Variants in PCNX2 observed in about 807,000 individuals in gnomAD.
PCNX2 encodes the protein pecanex 2.
PCNX2 carries 168 observed loss-of-function variants against 223.8 expected under a neutral mutation model. That is an observed-to-expected ratio of 0.75 (90% confidence interval 0.66 to 0.85). The LOEUF is 0.85. Among genes scored for constraint, PCNX2 ranks in the 40% least tolerant of loss-of-function variants. The pLI, the probability that PCNX2 is intolerant of heterozygous loss-of-function variation, is 0.00. For missense variants in PCNX2, 2,507 were observed against 2,675.5 expected (o/e 0.94, Z 1.39); for synonymous variants, 1,006 against 1,052.6 (o/e 0.96, Z 0.86).
chr1:233,102,122 A>T (rs1674520110), intron 21 of PCNX2, among the ~76,000 whole-genome samples: 2 of 150,186 alleles, frequency 1.3e-5, no homozygotes, highest in Non-Finnish European at 3.0e-5. Flanking sequence ...CATGAGTGAC[A>T]ACATACAACA....
chr1:233,144,507 CAG>C (rs993970305), intron 19 of PCNX2, among the ~76,000 whole-genome samples: 24 of 152,258 alleles, frequency 1.6e-4, no homozygotes, highest in South Asian at 4.1e-4. Flanking sequence ...CAGATGGTAC[CAG>C]AGAGTTCCTT....
At chr1:233,261,364 G>A in intron 3 of PCNX2, 43 bp from the exon 4 acceptor site, 2 of 1,589,820 alleles carry the variant, frequency 1.3e-6, no homozygotes, top group South Asian at 1.1e-5. Flanking sequence ...TGACTCAGCT[G>A]ACCGTCCATT....
At chr1:233,151,933 A>G (rs1571976838) in intron 19 of PCNX2, among the ~76,000 whole-genome samples, 1 of 151,954 alleles carries the variant, frequency 6.6e-6, no homozygotes, top group Non-Finnish European at 1.5e-5. Flanking sequence ...GCTTCTCCAG[A>G]CCTCCCTCTG....
chr1:233,256,172 C>G (rs1332611310), intron 5 of PCNX2, among the ~76,000 whole-genome samples: 2 of 152,072 alleles, frequency 1.3e-5, no homozygotes, highest in Non-Finnish European at 2.9e-5. Flanking sequence ...TTGAATGTGG[C>G]TGGCTGAAAA....
chr1:233,149,464 G>GCCTC (rs143424041), intron 19 of PCNX2, among the ~76,000 whole-genome samples: 19,881 of 152,080 alleles, frequency 0.13, 4,010 homozygotes, highest in African/African-American at 0.43. Flanking sequence ...TTCAGTGGGG[G>GCCTC]TGAGGCTTGA....
intron 25 of PCNX2, among the ~76,000 whole-genome samples, chr1:233,045,952 G>T (rs1302392196): frequency 1.3e-5 from 2 of 152,234 alleles, no homozygotes; most frequent in Non-Finnish European, 2.9e-5. Context: ...AGAAGTCTGT[G>T]CCCTTTGCAA....
chr1:233,204,738 A>G (rs1450320562), intron 13 of PCNX2, among the ~76,000 whole-genome samples: 1 of 152,196 alleles, frequency 6.6e-6, no homozygotes, highest in Non-Finnish European at 1.5e-5. Flanking sequence ...CATTCATTCC[A>G]TAGGGATTGC....
chr1:233,001,701 T>G lies in PCNX2; in HGVS notation c.4953-20A>C. On this transcript the variant is annotated intron_variant, in intron 28 of 33. Transcript: ENST00000258229. The surrounding 1 kb of genome is among the most constrained non-coding windows in gnomAD (Gnocchi z 4.2). ...TCCAGGCTGCAAAACAAAGTCCTATTACTATGGAACAAATTTCAGAATCCT... is the reference window on the plus strand; with the variant it reads ...TCCAGGCTGCAAAACAAAGTCCTATGACTATGGAACAAATTTCAGAATCCT... 1 of 1,529,162 alleles carries G rather than the reference T, an allele frequency of 6.5e-7. No homozygotes were observed. Among genetic ancestry groups the G allele is most frequent in the Non-Finnish European group, 8.8e-7 (1 of 1,132,966 alleles). The allele number at this position is 1,529,162 out of a possible 1,614,324, so 94.7% of individuals were successfully genotyped here. A position where few individuals can be genotyped will look rare whatever the true frequency, so the allele number is the denominator to read the frequency against.
chr1:233,121,078 C>T (rs1460193614), intron 21 of PCNX2, among the ~76,000 whole-genome samples: 3 of 151,188 alleles, frequency 2.0e-5, no homozygotes, highest in African/African-American at 7.3e-5. Flanking sequence ...ACACCCTCCA[C>T]GATAGCACCA....
chr1:233,315,168 T>C, the PCNX2 span, among the ~76,000 whole-genome samples: 12 of 152,204 alleles, frequency 7.9e-5, no homozygotes, highest in Non-Finnish European at 1.5e-5. Flanking sequence ...AGAGCAGTCA[T>C]AGCTGGTATG....
chr1:233,029,146 A>AT (rs1671182721), intron 25 of PCNX2, among the ~76,000 whole-genome samples: 1 of 152,000 alleles, frequency 6.6e-6, no homozygotes, highest in Admixed American at 6.6e-5. Context: ...CCCAGTCATT[A>AT]TTTTTTAATT....
intron 19 of PCNX2, among the ~76,000 whole-genome samples, chr1:233,153,861 TAA>T (rs1452576845): frequency 6.6e-6 from 1 of 152,184 alleles, no homozygotes; most frequent in African/African-American, 2.4e-5. Context: ...TATTTTGATA[TAA>T]GTGAAAAATA....
At chr1:233,082,984 C>T (rs1365015145) in intron 23 of PCNX2, among the ~76,000 whole-genome samples, 4 of 152,122 alleles carry the variant, frequency 2.6e-5, no homozygotes, top group African/African-American at 9.7e-5. Context: ...GAGTTGAGAG[C>T]GGAAACGTAA....
intron 4 of PCNX2, chr1:233,259,933 T>G: frequency 1.8e-6 from 1 of 541,290 alleles, no homozygotes; most frequent in African/African-American, 2.1e-5. Flanking sequence ...ATTTACATTG[T>G]ATTAGGTATT....
rs1349981359 is a variant in PCNX2 at position 233,295,416 on chromosome 1, C to G, written c.63G>C (p.Trp21Cys). The G allele has an allele frequency of 2.6e-6, 4 of 1,552,612 alleles. No individual in the cohort carries two copies. Among genetic ancestry groups the G allele is most frequent in the Non-Finnish European group, 2.6e-6 (3 of 1,147,616 alleles). The change falls in exon 1 of 34, where the codon TGG (tryptophan) becomes TGC (cysteine). Residue 21 changes from tryptophan (W) to cysteine (C), a missense_variant. Trp to Cys is a radical substitution (Grantham distance 215, BLOSUM62 -2). Around this residue, in one of 3 missense-constraint regions of PCNX2, gnomAD observed 1,031 missense variants for 1,021.7 expected, o/e 1.01. Transcript: ENST00000258229. The surrounding 1 kb of genome is among the most constrained non-coding windows in gnomAD (Gnocchi z 4.1). ...QGVWAALTGG[W>C]YHDPEQSKFT... ...ACTTGCTCTGCTCCGGGTCGTGGTA[C>G]CAGCCCCCGGTGAGCGCGGCCCACA... is the stretch of plus-strand genomic sequence containing the variant.
At chr1:233,093,015 G>A (rs910437300) in intron 22 of PCNX2, among the ~76,000 whole-genome samples, 48 of 152,220 alleles carry the variant, frequency 3.2e-4, no homozygotes, top group Admixed American at 1.4e-3. Flanking sequence ...TAGCCAGGAT[G>A]GTCTCAATCT....
chr1:233,014,559 TATA>T (rs1670582193), intron 28 of PCNX2, 103 bp downstream of exon 28: 2 of 805,226 alleles, frequency 2.5e-6, no homozygotes, highest in Non-Finnish European at 4.1e-6. Flanking sequence ...CTGAAAGTAG[TATA>T]ATAAGTCCAG....
Position 233,218,048 on chromosome 1 carries a change from G to A in PCNX2, c.2641C>T (p.Gln881Ter), listed in dbSNP as rs931195280. The A allele has an allele frequency of 1.9e-6, 3 of 1,606,442 alleles. No homozygotes were observed. Among genetic ancestry groups the A allele is most frequent in the African/African-American group, 1.3e-5 (1 of 74,762 alleles). ...GGTCTTGCCTTTAGCAGGGAGTACT[G>A]GCAGCTGGCCATGACGAGGCAGAAG... Reference protein sequence around the residue: ...LLFCLVMASCQYSLLKSVQPD... With the variant: ...LLFCLVMASC The change falls in exon 11 of 34, where the codon CAG (glutamine) becomes TAG (stop). Residue 881 changes from glutamine (Q) to a stop codon, truncating the protein, a stop_gained. Transcript: ENST00000258229. LOFTEE classifies it high-confidence loss of function.
chr1:233,291,689 C>A (rs976750742), intron 1 of PCNX2: 2 of 984,282 alleles, frequency 2.0e-6, no homozygotes, highest in Non-Finnish European at 2.4e-6. Context: ...CTTACACAGG[C>A]CAGAATCATG....
Sources: allele counts gnomAD v4.1 joint callset (sites outside exome capture counted in the v4.1 genomes callset), GRCh38; gene constraint gnomAD v4.1.1; regional missense constraint gnomAD v4.1.1; non-coding constraint Gnocchi (gnomAD v3.1); transcripts MANE v1.5; gene names NCBI Gene and HGNC (gene_info 2026-07-23, HGNC 2026-07-21).